The following FLT1 variants were observed in gnomAD, a reference collection of about 807,000 sequenced individuals.
The protein encoded by FLT1 is fms related receptor tyrosine kinase 1.
Under a neutral mutation model 156.3 loss-of-function variants are expected in FLT1, and 49 were observed. The ratio of observed to expected loss-of-function variants is 0.31; its 90% CI spans 0.25 to 0.40. FLT1 has a LOEUF of 0.40. FLT1 is among the 10% of genes least tolerant of loss of function. FLT1 has a pLI of 1.00. For missense variants in FLT1, 1,322 were observed against 1,637.2 expected, an observed-to-expected ratio of 0.81 and a Z score of 3.32; for synonymous variants, 594 against 583.8, an observed-to-expected ratio of 1.02 and a Z score of -0.25.
rs781177351 is a variant in FLT1 at position 28,427,331 on chromosome 13, T to G, written c.1277-13A>C. ...ATCTGGGGTTTCACTGGAAAGGAGA[T>G]GAAGAACGGGACAGAAGTCAAGAGC... On this transcript the variant is annotated splice_polypyrimidine_tract_variant and intron_variant, in intron 9 of 29. Coordinates refer to ENST00000282397, the MANE Select transcript of FLT1 (RefSeq NM_002019.4). 6.2e-7 allele frequency: 1 copy of G among 1,613,710 alleles called. No individual in the cohort carries two copies. Among genetic ancestry groups the G allele is most frequent in the African/African-American group, 1.3e-5 (1 of 74,988 alleles).
At chr13:28,341,701 T>C (rs1217739362) in intron 16 of FLT1, among the ~76,000 whole-genome samples, 2 of 152,192 alleles carry the variant, frequency 1.3e-5, no homozygotes, top group Admixed American at 6.5e-5. Context: ...TGGAAATATT[T>C]TGGGATGTCT....
At chr13:28,383,650 A>T (rs9551464) in intron 14 of FLT1, among the ~76,000 whole-genome samples, 68,385 of 149,928 alleles carry the variant, frequency 0.46, 16,890 homozygotes, top group East Asian at 0.59. Flanking sequence ...CGACAGAGCG[A>T]GACTCTGTCT....
intron 1 of FLT1, among the ~76,000 whole-genome samples, chr13:28,492,200 T>C (rs370971161): frequency 2.0e-5 from 3 of 152,268 alleles, no homozygotes; most frequent in Non-Finnish European, 4.4e-5. Context: ...TGCACTTTGA[T>C]TTAATATTAT....
chr13:28,354,159 A>T (rs1221577592), intron 15 of FLT1, among the ~76,000 whole-genome samples: 1 of 152,208 alleles, frequency 6.6e-6, no homozygotes, highest in Non-Finnish European at 1.5e-5. Context: ...GAAGAGTCCC[A>T]TTTCAATTAT....
At chr13:28,327,337 G>T in intron 20 of FLT1, 125 bp downstream of exon 20, 1 of 695,254 alleles carries the variant, frequency 1.4e-6, no homozygotes. Flanking sequence ...AGGAGAAGAA[G>T]CAGAGATTGA....
chr13:28,372,147 T>C (rs998172120), intron 14 of FLT1, among the ~76,000 whole-genome samples: 2 of 143,096 alleles, frequency 1.4e-5, no homozygotes, highest in Non-Finnish European at 3.0e-5. Flanking sequence ...AGTGGAGCCA[T>C]CTTGGCTCAC....
At chr13:28,382,204 T>C (rs1174755921) in intron 14 of FLT1, among the ~76,000 whole-genome samples, 2 of 152,260 alleles carry the variant, frequency 1.3e-5, no homozygotes, top group Middle Eastern at 3.4e-3. Flanking sequence ...GTGGGAGTTG[T>C]GTAAGGCCTA....
intron 1 of FLT1, among the ~76,000 whole-genome samples, chr13:28,482,335 G>A (rs935405737): frequency 6.6e-6 from 1 of 152,090 alleles, no homozygotes; most frequent in Non-Finnish European, 1.5e-5. Flanking sequence ...CTATTCAGGA[G>A]GCTGAGGCAG....
At position 28,386,278 on chromosome 13, in the gene FLT1, C is replaced by CA. The variant is rs1332744407; in HGVS notation, c.1970-1248dup. On this transcript the variant is annotated intron_variant, in intron 13 of 29. Coordinates refer to ENST00000282397, the MANE Select transcript of FLT1 (RefSeq NM_002019.4). ...CCTGCAGGGCAACTCTCAGGATTAGCATTTGTTAAAGCAATTTAGAAATCC... is the reference window on the plus strand; with the variant it reads ...CCTGCAGGGCAACTCTCAGGATTAGCAATTTGTTAAAGCAATTTAGAAATCC... 4 of 1,047,288 alleles carry CA rather than the reference C, an allele frequency of 3.8e-6. No homozygotes were observed. The African/African-American group carries it at 6.6e-5, about 17-fold the overall frequency. The allele number at this position is 1,047,288 out of a possible 1,614,324, so 64.9% of individuals were successfully genotyped here. A position where few individuals can be genotyped will look rare whatever the true frequency, so the allele number is the denominator to read the frequency against.
chr13:28,386,476 C>T, intron 13 of FLT1: 1 of 1,046,922 alleles, frequency 9.6e-7, no homozygotes, highest in Non-Finnish European at 1.2e-6. Flanking sequence ...AAAAAGTGTG[C>T]TGAAGGAAGT....
chr13:28,408,403 C>A (rs1208091538), intron 10 of FLT1, among the ~76,000 whole-genome samples: 1 of 152,130 alleles, frequency 6.6e-6, no homozygotes, highest in Non-Finnish European at 1.5e-5. Flanking sequence ...ATAAAAAGGA[C>A]AGATTCTGTG....
intron 13 of FLT1, chr13:28,387,587 T>C (rs942054533): frequency 4.7e-6 from 5 of 1,064,562 alleles, no homozygotes; most frequent in Admixed American, 5.4e-5. Context: ...CCCAGAGATC[T>C]GCCAGGTCAC....
chr13:28,343,482 G>A (rs1490194504), intron 16 of FLT1, among the ~76,000 whole-genome samples: 6 of 151,158 alleles, frequency 4.0e-5, no homozygotes, highest in African/African-American at 1.5e-4. Context: ...TGTATTTTTA[G>A]TAGAGACGGG....
At chr13:28,370,160 G>T (rs1375358852) in intron 14 of FLT1, among the ~76,000 whole-genome samples, 1 of 151,862 alleles carries the variant, frequency 6.6e-6, no homozygotes, top group Admixed American at 6.6e-5. Context: ...TTCCAGCCTG[G>T]GCCACAGAGC....
chr13:28,473,729 A>AGAAAGAAGGAAGGAAG (rs1566050283), intron 1 of FLT1, among the ~76,000 whole-genome samples: 2 of 84,310 alleles, frequency 2.4e-5, no homozygotes, highest in African/African-American at 5.4e-5. Context: ...AAAGAAAGAA[A>AGAAAGAAGGAAGGAAG]GAAGGAAGGA....
chr13:28,357,824 T>G, intron 14 of FLT1, 139 bp from the exon 15 acceptor site: 1 of 753,180 alleles, frequency 1.3e-6, no homozygotes, highest in Admixed American at 2.2e-5. Context: ...GCAGGGTTGC[T>G]TATTTGTTTT....
intron 28 of FLT1, among the ~76,000 whole-genome samples, chr13:28,307,693 A>G (rs765051617): frequency 5.3e-5 from 8 of 151,284 alleles, no homozygotes; most frequent in Non-Finnish European, 1.0e-4. Flanking sequence ...GCTTGCTTCA[A>G]GGCCACACTG....
At chr13:28,374,748 T>C (rs1011831420) in intron 14 of FLT1, among the ~76,000 whole-genome samples, 2 of 151,902 alleles carry the variant, frequency 1.3e-5, no homozygotes, top group African/African-American at 2.4e-5. Context: ...CTCCTGACCT[T>C]GTGATCCGCC....
At chr13:28,432,854 A>C (rs1345491755) in intron 6 of FLT1, among the ~76,000 whole-genome samples, 1 of 152,224 alleles carries the variant, frequency 6.6e-6, no homozygotes, top group Admixed American at 6.5e-5. Context: ...AAACCCAGAA[A>C]ATATTGCTAC....
Sources: gnomAD v4.1 joint callset for allele counts (sites outside exome capture counted in the v4.1 genomes callset) on GRCh38, gnomAD v4.1.1 for gene constraint, MANE v1.5 for transcripts, NCBI Gene and HGNC (gene_info 2026-07-23, HGNC 2026-07-21) for gene names.